BLOC1S3: variants seen among roughly 807,000 people sequenced by gnomAD.
BLOC1S3 encodes the protein biogenesis of lysosomal organelles complex 1 subunit 3.
Under a neutral mutation model 9.1 loss-of-function variants are expected in BLOC1S3, and 7 were observed. The ratio of observed to expected loss-of-function variants is 0.77; its 90% CI spans 0.44 to 1.45. The LOEUF is 1.45. Among genes scored for constraint, BLOC1S3 ranks in the 40% most tolerant of loss-of-function variants. The probability of loss-of-function intolerance (pLI) is 0.01; values close to 1 mark genes in which losing one functional copy is unlikely to be tolerated. For synonymous variants in BLOC1S3, 145 were observed against 158.4 expected, an observed-to-expected ratio of 0.92 and a Z score of 0.64; for missense variants, 307 against 315.2, an observed-to-expected ratio of 0.97 and a Z score of 0.20.
At chr19:45,214,546 C>A (rs746206684) in intron 3 of BLOC1S3, among the ~76,000 whole-genome samples, 4 of 151,992 alleles carry the variant, frequency 2.6e-5, no homozygotes, top group Non-Finnish European at 2.9e-5. Context: ...CTCACTGCAA[C>A]CTCCGCCTCC....
intron 2 of BLOC1S3, among the ~76,000 whole-genome samples, chr19:45,188,190 T>C (rs1261431856): frequency 6.6e-6 from 1 of 152,052 alleles, no homozygotes; most frequent in Non-Finnish European, 1.5e-5. Flanking sequence ...GTCCGACTAA[T>C]TTTTGTATTT....
At chr19:45,199,693 C>A (rs1969675271) in intron 2 of BLOC1S3, among the ~76,000 whole-genome samples, 1 of 150,894 alleles carries the variant, frequency 6.6e-6, no homozygotes, top group African/African-American at 2.5e-5. Context: ...CTCTTCTGTT[C>A]TCTTCTGTTC....
At chr19:45,194,057 C>A (rs139781883) in intron 2 of BLOC1S3, among the ~76,000 whole-genome samples, 1,477 of 137,864 alleles carry the variant, frequency 0.011, 16 homozygotes, top group South Asian at 0.026. Flanking sequence ...CCCTCCTTGG[C>A]CTCCCAAAGT....
Position 45,180,697 on chromosome 19 carries a change from A to G in BLOC1S3, c.*792A>G, listed in dbSNP as rs1036711834. On this transcript the variant is annotated 3_prime_UTR_variant, in exon 2 of 2. Transcript: ENST00000433642. ...TGGCTACGCCTCCCATCCTAGCTCC[A>G]CTTCCAGAACTGCCTTCACCCTAGG... The G allele has an allele frequency of 3.6e-5, 6 of 166,926 alleles. No individual in the cohort carries two copies. In the Admixed American group the frequency reaches 3.9e-4, roughly 11 times the overall value. The allele number at this position is 166,926 out of a possible 1,614,324, so 10.3% of individuals were successfully genotyped here.
At chr19:45,203,576 G>A (rs1011589452) in intron 3 of BLOC1S3, among the ~76,000 whole-genome samples, 3 of 152,106 alleles carry the variant, frequency 2.0e-5, no homozygotes, top group African/African-American at 7.2e-5. Flanking sequence ...CCAGCCTCAA[G>A]TTGATTTAGG....
downstream of BLOC1S3, among the ~76,000 whole-genome samples, chr19:45,185,893 C>G (rs1308203917): frequency 6.6e-6 from 1 of 152,104 alleles, no homozygotes; most frequent in African/African-American, 2.4e-5. Flanking sequence ...GATGGATCAC[C>G]TGAGGTCAGA....
downstream of BLOC1S3, among the ~76,000 whole-genome samples, chr19:45,183,623 C>CTTTTTTTTTTTTTTTTT (rs57651816): frequency 3.7e-4 from 39 of 105,112 alleles, no homozygotes; most frequent in East Asian, 5.7e-4. Context: ...CTTTTCTTTT[C>CTTTTTTTTTTTTTTTTT]TTTTTTTTTT....
At chr19:45,191,419 C>T (rs532623635) in intron 2 of BLOC1S3, among the ~76,000 whole-genome samples, 3 of 152,306 alleles carry the variant, frequency 2.0e-5, no homozygotes, top group African/African-American at 4.8e-5. Flanking sequence ...CTGTGCCCGG[C>T]CGGCTTTATT....
At chr19:45,194,932 C>CTTTTT (rs112584333) in intron 2 of BLOC1S3, among the ~76,000 whole-genome samples, 1 of 140,186 alleles carries the variant, frequency 7.1e-6, no homozygotes, top group Non-Finnish European at 1.6e-5. Flanking sequence ...GTGTGTTATA[C>CTTTTT]TTTTTTTTTT....
chr19:45,190,340 C>T (rs1246148577), intron 2 of BLOC1S3, among the ~76,000 whole-genome samples: 1 of 149,534 alleles, frequency 6.7e-6, no homozygotes. Context: ...TGAGTTTCCT[C>T]AAAACAGACC....
chr19:45,199,816 G>A (rs1034338074), intron 2 of BLOC1S3, among the ~76,000 whole-genome samples: 88 of 151,716 alleles, frequency 5.8e-4, no homozygotes, highest in African/African-American at 2.0e-3. Context: ...AGGCTGGAGT[G>A]CAGTGGTGCT....
At chr19:45,197,143 G>A (rs1273918818) in intron 2 of BLOC1S3, among the ~76,000 whole-genome samples, 1 of 151,922 alleles carries the variant, frequency 6.6e-6, no homozygotes, top group Non-Finnish European at 1.5e-5. Flanking sequence ...AGCTATGATC[G>A]TGCCACTGCA....
chr19:45,211,699 T>A (rs1599757990), intron 3 of BLOC1S3, among the ~76,000 whole-genome samples: 1 of 148,582 alleles, frequency 6.7e-6, no homozygotes. Context: ...GCTCCGAGAG[T>A]CCCTCGTCTC....
intron 3 of BLOC1S3, among the ~76,000 whole-genome samples, chr19:45,208,616 G>A (rs1969745234): frequency 6.6e-6 from 1 of 152,114 alleles, no homozygotes; most frequent in African/African-American, 2.4e-5. Context: ...TTAGCTGGGT[G>A]TGGTGGTGGG....
At chr19:45,206,462 T>TTG (rs1555754635) in intron 3 of BLOC1S3, among the ~76,000 whole-genome samples, 1 of 115,506 alleles carries the variant, frequency 8.7e-6, no homozygotes, top group Non-Finnish European at 1.8e-5. Flanking sequence ...TTTTTTTTTT[T>TTG]TTTTTTTTTT....
intron 3 of BLOC1S3, among the ~76,000 whole-genome samples, chr19:45,206,456 T>TTTTTTTTTTTTTTTTTG (rs1307309153): frequency 1.7e-5 from 2 of 118,296 alleles, no homozygotes; most frequent in Non-Finnish European, 3.4e-5. Context: ...TCAAGTTTTT[T>TTTTTTTTTTTTTTTTTG]TTTTTTTTTT....
intron 2 of BLOC1S3, among the ~76,000 whole-genome samples, chr19:45,195,567 C>CTCCCCCCCCCCT (rs1969641341): frequency 7.7e-6 from 1 of 130,034 alleles, no homozygotes; most frequent in African/African-American, 2.9e-5. Flanking sequence ...CCTTCCCTCC[C>CTCCCCCCCCCCT]TCCCTCCCTC....
At chr19:45,212,926 T>G in intron 3 of BLOC1S3, 1 of 939,208 alleles carries the variant, frequency 1.1e-6, no homozygotes, top group Non-Finnish European at 1.5e-6. Flanking sequence ...ACAGGGAGTT[T>G]GGGGTTGGGT....
downstream of BLOC1S3, among the ~76,000 whole-genome samples, chr19:45,185,849 T>G (rs1969562437): frequency 6.6e-6 from 1 of 152,014 alleles, no homozygotes; most frequent in Non-Finnish European, 1.5e-5. Context: ...CGGTGGCTCA[T>G]GCCTGTAATC....
Sources: allele counts gnomAD v4.1 joint callset (sites outside exome capture counted in the v4.1 genomes callset), GRCh38; gene constraint gnomAD v4.1.1; transcripts MANE v1.5; gene names NCBI Gene and HGNC (gene_info 2026-07-23, HGNC 2026-07-21).